NHSL1: variants seen among roughly 807,000 people sequenced by gnomAD.
NHSL1 encodes NHS like 1.
A neutral mutation model predicts 95.0 loss-of-function variants in NHSL1; 48 were observed. The observed-to-expected ratio is 0.51, with a 90% CI of 0.40 to 0.64. The LOEUF (loss-of-function observed/expected upper bound fraction) is 0.64, where lower values mean the gene tolerates loss of function less well. NHSL1 is among the 30% of genes least tolerant of loss of function. The pLI is 0.00. For missense variants in NHSL1, 1,971 were observed against 2,077.7 expected, an observed-to-expected ratio of 0.95 and a Z score of 1.00; for synonymous variants, 783 against 833.9, an observed-to-expected ratio of 0.94 and a Z score of 1.05.
At chr6:138,578,403 G>A (rs1043396580) in intron 1 of NHSL1, among the ~76,000 whole-genome samples, 4 of 152,146 alleles carry the variant, frequency 2.6e-5, no homozygotes, top group African/African-American at 4.8e-5. Flanking sequence ...GAACATGGAC[G>A]TCAGAGGCTT....
intron 1 of NHSL1, among the ~76,000 whole-genome samples, chr6:138,675,847 T>A (rs1177232512): frequency 6.6e-6 from 1 of 152,230 alleles, no homozygotes; most frequent in Admixed American, 6.5e-5. Flanking sequence ...AATTCTTACA[T>A]GATTATATCT....
At chr6:138,454,190 CGT>C (rs1554226359) in intron 3 of NHSL1, among the ~76,000 whole-genome samples, 3 of 151,144 alleles carry the variant, frequency 2.0e-5, no homozygotes, top group Non-Finnish European at 3.0e-5. Context: ...TATATGTGTG[CGT>C]GTGTGTGTGT....
Position 138,457,876 on chromosome 6 carries a change from C to T in NHSL1, c.340-10683G>A, listed in dbSNP as rs146859800. On this transcript the variant is annotated intron_variant, in intron 3 of 7. Transcript: ENST00000343505. The stretch of plus-strand genomic sequence containing the variant: ...TACAAAAATTAGCTGGGCATGGTGG[C>T]ACGTGCCTGTGGTCCCAGCTACTCG... 8.2e-4 allele frequency among the ~76,000 whole-genome samples: 124 copies of T among 152,118 alleles called. 1 individual carries two copies. The highest frequency in any genetic ancestry group is 2.9e-3 in the African/African-American group (121 of 41,480).
chr6:138,623,101 G>A (rs1452040673), intron 1 of NHSL1, among the ~76,000 whole-genome samples: 1 of 152,184 alleles, frequency 6.6e-6, no homozygotes, highest in Non-Finnish European at 1.5e-5. Context: ...ATGTTGAGCA[G>A]GTGTGCAATT....
intron 1 of NHSL1, among the ~76,000 whole-genome samples, chr6:138,666,746 A>G (rs1785300759): frequency 6.6e-6 from 1 of 152,204 alleles, no homozygotes; most frequent in South Asian, 2.1e-4. Context: ...GTATATACGT[A>G]TATTGATATA....
intron 1 of NHSL1, among the ~76,000 whole-genome samples, chr6:138,554,595 G>T (rs1783127850): frequency 3.3e-5 from 5 of 152,152 alleles, no homozygotes; most frequent in Admixed American, 3.3e-4. Flanking sequence ...GATATTAAGA[G>T]CAAGGTACGC....
intron 3 of NHSL1, chr6:138,464,248 C>T (rs1778196175): frequency 1.5e-5 from 12 of 814,608 alleles, no homozygotes; most frequent in South Asian, 7.6e-5. Context: ...CGGCCGGCAC[C>T]GTCCTCCTCT....
chr6:138,531,072 C>T (rs1456010121), intron 1 of NHSL1, among the ~76,000 whole-genome samples: 1 of 152,172 alleles, frequency 6.6e-6, no homozygotes, highest in Non-Finnish European at 1.5e-5. Flanking sequence ...AGAGGAACCT[C>T]ACCAGAATTC....
At chr6:138,483,037 T>C (rs1412480267) in intron 2 of NHSL1, among the ~76,000 whole-genome samples, 5 of 152,216 alleles carry the variant, frequency 3.3e-5, no homozygotes, top group Non-Finnish European at 7.3e-5. Context: ...CAATCAATGC[T>C]GATGCAGCTG....
chr6:138,593,917 G>A (rs1292012058), intron 1 of NHSL1, among the ~76,000 whole-genome samples: 9 of 152,148 alleles, frequency 5.9e-5, no homozygotes, highest in African/African-American at 2.2e-4. Context: ...AAAGTGACTT[G>A]GGCAGTTTTT....
rs80073222 is a variant in NHSL1, at chr6:138,667,253, G to A, written c.96+25223C>T. ...CTCTAAATGTAGAAAGAGGCAAGAG[G>A]AGTCCCATTTCTAATTTTAATTAAT... On this transcript the variant is annotated intron_variant, in intron 1 of 3. Coordinates refer to the NHSL1 transcript ENST00000491526. 4.4e-3 allele frequency among the ~76,000 whole-genome samples: 677 copies of A among 152,300 alleles called. 12 individuals are homozygous for A. In the East Asian group the frequency reaches 0.074, roughly 17 times the overall value.
chr6:138,608,041 T>C (rs1784458096), intron 1 of NHSL1, among the ~76,000 whole-genome samples: 1 of 152,228 alleles, frequency 6.6e-6, no homozygotes. Flanking sequence ...ACTGTCTAGC[T>C]GCAGGACCAA....
In NHSL1 at chr6:138,433,111, T is replaced by C; in HGVS notation, c.1234A>G (p.Ile412Val). 6.4e-7 allele frequency: 1 copy of C among 1,551,044 alleles called. No individual in the cohort carries two copies. The highest frequency in any genetic ancestry group is 1.2e-5 in the South Asian group (1 of 84,064). The change falls in exon 6 of 8, where the codon ATC becomes GTC. Residue 412 changes from isoleucine to valine, a missense_variant. Around this residue, in one of 3 missense-constraint regions of NHSL1, gnomAD observed 1,602 missense variants for 1,654.5 expected, o/e 0.97. Coordinates refer to ENST00000343505, the MANE Select transcript of NHSL1 (RefSeq NM_001144060.2). ...GAAGACAGTGTGGCATTTGGGATGA[T>C]GCTGGTGGAGTAGGTTGCATGAGGA... ...VSPHATYSTS[I>V]IPNATLSSSS...
At position 138,423,452 on chromosome 6, in the gene NHSL1, C is replaced by G. The variant is rs1414144080; in HGVS notation, c.*629G>C. 1 of 152,194 alleles carries G rather than the reference C, an allele frequency of 6.6e-6. No individual in the cohort carries two copies. The highest frequency in any genetic ancestry group is 1.5e-5 in the Non-Finnish European group (1 of 68,034). 9.4% of individuals were successfully genotyped at this position (152,194 alleles called of 1,614,324 possible). ...CAAAAAAGAAGCAAAGTCTACCTCC[C>G]CCAGAAAAAAGTACCTGAACCAATT... On this transcript the variant is annotated 3_prime_UTR_variant, in exon 8 of 8. Coordinates refer to ENST00000343505, the MANE Select transcript of NHSL1 (RefSeq NM_001144060.2).
chr6:138,601,594 A>G (rs941986085), intron 1 of NHSL1, among the ~76,000 whole-genome samples: 4 of 152,182 alleles, frequency 2.6e-5, no homozygotes, highest in Admixed American at 1.3e-4. Flanking sequence ...CGGGCGGATC[A>G]CAAGGTCAAG....
chr6:138,431,625 G>A lies in NHSL1; in HGVS notation c.2720C>T (p.Ser907Phe), dbSNP rs976531511. ...GCCACTTCCTTCAGTAGAAGTACTAGAAGAAAGAGAAGTGGACGATGAGGA... is the reference window on the plus strand; with the variant it reads ...GCCACTTCCTTCAGTAGAAGTACTAAAAGAAAGAGAAGTGGACGATGAGGA... Reference protein sequence around the residue: ...SISSSSTSLSSSTSTEGSGTM... With the variant: ...SISSSSTSLSFSTSTEGSGTM... Residue 907 changes from serine (S) to phenylalanine (F), a missense_variant, in exon 6 of 8, where the codon TCT becomes TTT. By Grantham distance (155) the Ser-to-Phe change is radical. Transcript: ENST00000343505. The surrounding 1 kb of genome is among the most constrained non-coding windows in gnomAD (Gnocchi z 4.0). 2 of 1,551,560 alleles carry A rather than the reference G, an allele frequency of 1.3e-6. No homozygotes were observed. The highest frequency in any genetic ancestry group is 1.7e-6 in the Non-Finnish European group (2 of 1,146,956).
chr6:138,506,578 A>C (rs1780973097), intron 1 of NHSL1, among the ~76,000 whole-genome samples: 1 of 152,234 alleles, frequency 6.6e-6, no homozygotes, highest in Non-Finnish European at 1.5e-5. Context: ...CACTTATGCT[A>C]AAATATAATT....
chr6:138,492,348 C>T (rs1373617654), intron 2 of NHSL1, among the ~76,000 whole-genome samples: 1 of 152,170 alleles, frequency 6.6e-6, no homozygotes, highest in Admixed American at 6.5e-5. Flanking sequence ...TGCCTGTTTA[C>T]TACCGTAAGA....
chr6:138,472,393 C>T (rs890066759), intron 3 of NHSL1, among the ~76,000 whole-genome samples: 1 of 152,150 alleles, frequency 6.6e-6, no homozygotes, highest in Non-Finnish European at 1.5e-5. Flanking sequence ...ACAACAGATG[C>T]ATGCCACAAT....
Sources: gnomAD v4.1 joint callset for allele counts (sites outside exome capture counted in the v4.1 genomes callset) on GRCh38, gnomAD v4.1.1 for gene constraint, gnomAD v4.1.1 regional missense constraint, Gnocchi (gnomAD v3.1) non-coding constraint, MANE v1.5 for transcripts, NCBI Gene and HGNC (gene_info 2026-07-23, HGNC 2026-07-21) for gene names.